The following ZNF254 variants were observed in gnomAD, a reference collection of about 807,000 sequenced individuals.
ZNF254 encodes zinc finger protein 254.
In ZNF254, 10 loss-of-function variants were observed where a neutral mutation model predicts 12.4. That is an observed-to-expected ratio of 0.80 (90% CI 0.50 to 1.36). The LOEUF (loss-of-function observed/expected upper bound fraction) is 1.36. Among genes scored for constraint, ZNF254 ranks in the 40% most tolerant of loss-of-function variants. The pLI is 0.00. For missense variants in ZNF254, 996 were observed against 763.9 expected (o/e 1.30, Z -3.58); for synonymous variants, 305 against 253.4 (o/e 1.20, Z -1.93).
chr19:24,072,448 A>C (rs1206311654), intron 2 of ZNF254, among the ~76,000 whole-genome samples: 1 of 152,154 alleles, frequency 6.6e-6, no homozygotes, highest in Non-Finnish European at 1.5e-5. Flanking sequence ...CTGATATTAC[A>C]GGTGTGAGCC....
chr19:24,122,617 G>A (rs773966524), intron 3 of ZNF254, among the ~76,000 whole-genome samples: 16 of 151,250 alleles, frequency 1.1e-4, no homozygotes, highest in Admixed American at 4.0e-4. Context: ...ACAATCTGTC[G>A]TTTTGTGGCT....
rs1014422289 is a variant in ZNF254 at position 24,087,200 on chromosome 19, G to T, written c.-108G>T. On this transcript the variant is annotated 5_prime_UTR_variant, in exon 1 of 4. Coordinates refer to ENST00000357002, the MANE Select transcript of ZNF254 (RefSeq NM_203282.4). ...GGATATGGCGGGGCCTTTGTCTCTC[G>T]CTGTCGCCGGAGTCCCAGGTCTGTC... is the stretch of plus-strand genomic sequence containing the variant. 16 of 1,471,054 alleles carry T rather than the reference G, an allele frequency of 1.1e-5. No homozygotes were observed. Among genetic ancestry groups the T allele is most frequent in the Non-Finnish European group, 1.5e-5 (16 of 1,062,856 alleles). 91.1% of individuals were successfully genotyped at this position (1,471,054 alleles called of 1,614,324 possible).
chr19:24,109,026 G>A (rs1455341116), intron 3 of ZNF254, among the ~76,000 whole-genome samples: 4 of 152,190 alleles, frequency 2.6e-5, no homozygotes, highest in African/African-American at 7.2e-5. Flanking sequence ...ATGGCGGCAC[G>A]CGCCTGTAGT....
chr19:24,105,711 C>T (rs1474346471), intron 1 of ZNF254: 1 of 482,850 alleles, frequency 2.1e-6, no homozygotes, highest in Non-Finnish European at 3.2e-6. Flanking sequence ...ATGTTATCTT[C>T]CAGACAAGTA....
intron 2 of ZNF254, among the ~76,000 whole-genome samples, chr19:24,061,726 C>T (rs2145411761): frequency 6.6e-6 from 1 of 152,252 alleles, no homozygotes; most frequent in South Asian, 2.1e-4. Context: ...TTGATGGTGA[C>T]TCTAATACCT....
intron 2 of ZNF254, among the ~76,000 whole-genome samples, chr19:24,051,838 T>C (rs1327244175): frequency 6.6e-6 from 1 of 152,112 alleles, no homozygotes; most frequent in African/African-American, 2.4e-5. Flanking sequence ...TCTTTTCTCA[T>C]GCATGGGCTC....
At chr19:24,118,921 C>T (rs1181136276) in intron 3 of ZNF254, among the ~76,000 whole-genome samples, 3 of 151,840 alleles carry the variant, frequency 2.0e-5, no homozygotes, top group African/African-American at 4.8e-5. Context: ...ACCAGCCTGA[C>T]CAATATGGTG....
intron 2 of ZNF254, among the ~76,000 whole-genome samples, chr19:24,071,114 G>A (rs868322411): frequency 4.6e-5 from 7 of 152,134 alleles, no homozygotes; most frequent in African/African-American, 1.7e-4. Flanking sequence ...CCTATGCAGA[G>A]ACAGAGGGAG....
chr19:24,046,401 G>GTGCAGA, intron 2 of ZNF254: 1 of 92,714 alleles, frequency 1.1e-5, no homozygotes, highest in South Asian at 3.4e-4. Flanking sequence ...ATATATATAT[G>GTGCAGA]TGCAGATCTG....
intron 2 of ZNF254, among the ~76,000 whole-genome samples, chr19:24,054,943 G>A (rs999128332): frequency 2.0e-5 from 3 of 151,864 alleles, no homozygotes; most frequent in East Asian, 3.9e-4. Context: ...AGTGGCTCAC[G>A]CCTGTAATCC....
intron 3 of ZNF254, among the ~76,000 whole-genome samples, chr19:24,116,195 A>G (rs1208801796): frequency 6.6e-6 from 1 of 152,070 alleles, no homozygotes; most frequent in East Asian, 1.9e-4. Flanking sequence ...CTTCTCGAGA[A>G]GTATCTTTGT....
At chr19:24,075,791 C>T (rs1360855701) in intron 2 of ZNF254, among the ~76,000 whole-genome samples, 1 of 152,176 alleles carries the variant, frequency 6.6e-6, no homozygotes, top group African/African-American at 2.4e-5. Flanking sequence ...CTGCAGGAGA[C>T]CAGGGTGTAT....
intron 3 of ZNF254, among the ~76,000 whole-genome samples, chr19:24,118,439 G>A (rs542079147): frequency 1.6e-4 from 25 of 152,000 alleles, no homozygotes; most frequent in Middle Eastern, 3.4e-3. Context: ...TTTCTTTTTC[G>A]TTGTGATTTT....
At chr19:24,122,296 C>T (rs1461036601) in intron 3 of ZNF254, among the ~76,000 whole-genome samples, 1 of 152,118 alleles carries the variant, frequency 6.6e-6, no homozygotes, top group Non-Finnish European at 1.5e-5. Context: ...ACCATCTCAG[C>T]TCAGTGCAAC....
intron 2 of ZNF254, among the ~76,000 whole-genome samples, chr19:24,074,379 G>C (rs1291845250): frequency 6.6e-6 from 1 of 152,198 alleles, no homozygotes; most frequent in South Asian, 2.1e-4. Context: ...TGAGCCTTCT[G>C]TCCAAACCCT....
intron 1 of ZNF254, among the ~76,000 whole-genome samples, chr19:24,089,838 T>C (rs1405574491): frequency 6.6e-6 from 1 of 152,050 alleles, no homozygotes; most frequent in East Asian, 1.9e-4. Flanking sequence ...TTCTGCCTCC[T>C]GGTTTCCTTT....
At chr19:24,107,301 G>C (rs1171816416) in intron 3 of ZNF254, 4 of 566,184 alleles carry the variant, frequency 7.1e-6, no homozygotes, top group African/African-American at 2.0e-5. Context: ...GGATAATATG[G>C]CAGTTTCATA....
At chr19:24,058,166 T>C (rs931451152) in intron 2 of ZNF254, among the ~76,000 whole-genome samples, 14 of 152,148 alleles carry the variant, frequency 9.2e-5, no homozygotes, top group Non-Finnish European at 1.6e-4. Flanking sequence ...ATGTACAGGA[T>C]TGTTAATCTC....
intron 2 of ZNF254, among the ~76,000 whole-genome samples, chr19:24,052,554 T>C (rs1970688718): frequency 6.6e-6 from 1 of 152,210 alleles, no homozygotes; most frequent in Non-Finnish European, 1.5e-5. Flanking sequence ...GATGTGTTTT[T>C]CCTGCCTGGT....
Sources: allele counts gnomAD v4.1 joint callset (sites outside exome capture counted in the v4.1 genomes callset), GRCh38; gene constraint gnomAD v4.1.1; transcripts MANE v1.5; gene names NCBI Gene and HGNC (gene_info 2026-07-23, HGNC 2026-07-21).